The following QTGAL variants were observed in gnomAD, a reference collection of about 807,000 sequenced individuals.
The protein encoded by QTGAL is queuosine-tRNA galactosyltransferase.
the QTGAL span, chr17:83,006,341 G>C: frequency 8.1e-6 from 8 of 985,360 alleles, no homozygotes; most frequent in Non-Finnish European, 9.6e-6. This position sits in a 1 kb window ranked among gnomAD's most constrained non-coding sequence, Gnocchi z 5.8. Flanking sequence ...GACGTGCTTG[G>C]GGGAGGCTTC....
chr17:82,997,349 G>C, the QTGAL span, among the ~76,000 whole-genome samples: 1 of 152,132 alleles, frequency 6.6e-6, no homozygotes, highest in East Asian at 1.9e-4. Context: ...TCTCATTCCA[G>C]TTAAAATGGC....
chr17:83,005,948 T>A, the QTGAL span: 1 of 1,205,328 alleles, frequency 8.3e-7, no homozygotes, highest in Non-Finnish European at 1.0e-6. This position sits in a 1 kb window ranked among gnomAD's most constrained non-coding sequence, Gnocchi z 5.6. Flanking sequence ...GATCCAGAGG[T>A]AGGAGGGCAG....
the QTGAL span, among the ~76,000 whole-genome samples, chr17:82,970,536 C>CGACCTCCCCACCCAGCGTGGACGT: frequency 5.4e-4 from 55 of 101,590 alleles, 8 homozygotes; most frequent in African/African-American, 2.8e-3. Context: ...AGCGTGGCCG[C>CGACCTCCCCACCCAGCGTGGACGT]GACCTCCGCA....
At chr17:82,982,553 A>T in the QTGAL span, among the ~76,000 whole-genome samples, 124,345 of 151,848 alleles carry the variant, frequency 0.82, 51,277 homozygotes, top group African/African-American at 0.92. Context: ...TGTCCCTCCC[A>T]CCACGTGAGG....
the QTGAL span, among the ~76,000 whole-genome samples, chr17:83,033,557 C>T: frequency 5.9e-3 from 896 of 151,482 alleles, 3 homozygotes; most frequent in East Asian, 0.027. Context: ...CTGCAAGCTC[C>T]GCCTCCCGGG....
the QTGAL span, chr17:82,947,610 C>T: frequency 6.6e-6 from 1 of 152,528 alleles, no homozygotes; most frequent in African/African-American, 2.4e-5. Flanking sequence ...TGAACAAGTT[C>T]CTGAAGACAG....
the QTGAL span, chr17:82,944,797 C>T: frequency 6.6e-6 from 1 of 152,214 alleles, no homozygotes. Flanking sequence ...GCCCTGGAAT[C>T]TAGTCACGCT....
At chr17:83,000,232 A>T in the QTGAL span, among the ~76,000 whole-genome samples, 1 of 151,444 alleles carries the variant, frequency 6.6e-6, no homozygotes, top group African/African-American at 2.4e-5. Context: ...AAGCGCTGGG[A>T]TTACAGGCAT....
At chr17:82,947,263 C>G in the QTGAL span, 1 of 452,426 alleles carries the variant, frequency 2.2e-6, no homozygotes, top group Non-Finnish European at 3.9e-6. Flanking sequence ...TGGGGGCACT[C>G]GGAATGGAAT....
the QTGAL span, chr17:82,942,601 C>T: frequency 8.4e-7 from 1 of 1,189,262 alleles, no homozygotes. Flanking sequence ...CTGGCACTAG[C>T]TGACAGCTTT....
At chr17:82,963,877 G>A in the QTGAL span, among the ~76,000 whole-genome samples, 2 of 152,114 alleles carry the variant, frequency 1.3e-5, no homozygotes, top group East Asian at 3.8e-4. Flanking sequence ...CATTTTAATA[G>A]GTGAATTGTA....
chr17:82,997,460 A>G, the QTGAL span, among the ~76,000 whole-genome samples: 5 of 152,226 alleles, frequency 3.3e-5, no homozygotes, highest in African/African-American at 4.8e-5. Context: ...TACAACCACT[A>G]TGGAGAACAG....
At chr17:82,969,303 G>A in the QTGAL span, among the ~76,000 whole-genome samples, 26 of 98,894 alleles carry the variant, frequency 2.6e-4, no homozygotes, top group African/African-American at 7.6e-4. Flanking sequence ...GGGACTACAG[G>A]TGTGCACCAC....
At chr17:82,942,696 T>C in the QTGAL span, 1 of 605,262 alleles carries the variant, frequency 1.7e-6, no homozygotes, top group Non-Finnish European at 2.9e-6. Flanking sequence ...TAAAATCATG[T>C]ACCAAGAAGT....
At chr17:82,977,851 C>T in the QTGAL span, among the ~76,000 whole-genome samples, 398 of 152,298 alleles carry the variant, frequency 2.6e-3, no homozygotes, top group African/African-American at 9.1e-3. Flanking sequence ...AGCATGGAAA[C>T]GTACGCTCTA....
the QTGAL span, among the ~76,000 whole-genome samples, chr17:82,993,515 A>G: frequency 1.3e-5 from 2 of 152,156 alleles, no homozygotes; most frequent in Admixed American, 6.5e-5. Flanking sequence ...CCTCAATATA[A>G]TAACATCTGG....
the QTGAL span, among the ~76,000 whole-genome samples, chr17:83,012,407 C>A: frequency 6.6e-6 from 1 of 152,264 alleles, no homozygotes; most frequent in African/African-American, 2.4e-5. Flanking sequence ...GAAAGTATCT[C>A]CTCCACTAAA....
chr17:83,010,565 A>C, the QTGAL span, among the ~76,000 whole-genome samples: 1 of 152,346 alleles, frequency 6.6e-6, no homozygotes, highest in Middle Eastern at 3.4e-3. Flanking sequence ...TGGCCCTCCC[A>C]GGCTGCATGT....
At chr17:83,043,513 T>C in the QTGAL span, among the ~76,000 whole-genome samples, 1 of 152,076 alleles carries the variant, frequency 6.6e-6, no homozygotes, top group Non-Finnish European at 1.5e-5. Context: ...TTTCAGGATG[T>C]AGAAAAATCA....
Sources: gnomAD v4.1 joint callset for allele counts (sites outside exome capture counted in the v4.1 genomes callset) on GRCh38, gnomAD v4.1.1 for gene constraint, Gnocchi (gnomAD v3.1) non-coding constraint, MANE v1.5 for transcripts, NCBI Gene and HGNC (gene_info 2026-07-23, HGNC 2026-07-21) for gene names.